The following MALRD1 variants were observed in gnomAD, a reference collection of about 807,000 sequenced individuals.
MALRD1 encodes the protein MAM and LDL-receptor class A domain-containing protein 1.
In MALRD1, 247 loss-of-function variants were observed where a neutral mutation model predicts 242.1. The ratio of observed to expected loss-of-function variants is 1.02; its 90% CI spans 0.92 to 1.13. MALRD1 has a LOEUF of 1.13. Ranked by LOEUF, MALRD1 falls within the 50% of genes most tolerant of loss-of-function variation. The pLI is 0.00. For missense variants in MALRD1, 2,989 were observed against 2,533.1 expected (o/e 1.18, Z -3.86); for synonymous variants, 995 against 866.6 (o/e 1.15, Z -2.60).
intron 32 of MALRD1, among the ~76,000 whole-genome samples, chr10:19,533,461 T>G (rs367869764): frequency 1.3e-5 from 2 of 152,150 alleles, no homozygotes; most frequent in South Asian, 4.1e-4. Flanking sequence ...TAGATCATTC[T>G]TGTGTTGCTG....
chr10:19,591,455 G>T (rs932992218), intron 33 of MALRD1, among the ~76,000 whole-genome samples: 5 of 151,082 alleles, frequency 3.3e-5, no homozygotes, highest in Non-Finnish European at 7.4e-5. Flanking sequence ...TCTTAACGGT[G>T]GCCACACTTA....
chr10:19,261,262 C>T (rs1275081702), intron 19 of MALRD1, among the ~76,000 whole-genome samples: 3 of 151,798 alleles, frequency 2.0e-5, no homozygotes, highest in African/African-American at 4.8e-5. Flanking sequence ...TTTTCTGTTT[C>T]GAGTTTTGGA....
At position 19,389,721 on chromosome 10, in the gene MALRD1, C is replaced by G. The variant is rs1846256498; in HGVS notation, c.4845+112C>G. On this transcript the variant is annotated intron_variant, in intron 28 of 39. Coordinates refer to ENST00000454679, the MANE Select transcript of MALRD1 (RefSeq NM_001142308.3). ...GTGGTGCAGTCATGGCTTACTGCAG[C>G]CTCCAACTCCTGGACTCAAGCGATC... The G allele has an allele frequency of 4.3e-6, 5 of 1,157,748 alleles. No homozygotes were observed. In the East Asian group the frequency reaches 1.0e-4, roughly 24 times the overall value. The allele number at this position is 1,157,748 out of a possible 1,614,324, so 71.7% of individuals were successfully genotyped here.
intron 36 of MALRD1, among the ~76,000 whole-genome samples, chr10:19,680,203 C>T (rs576967033): frequency 6.6e-6 from 1 of 152,266 alleles, no homozygotes; most frequent in African/African-American, 2.4e-5. Flanking sequence ...TGTTTATTTT[C>T]TGTCTCAATG....
intron 31 of MALRD1, among the ~76,000 whole-genome samples, chr10:19,516,856 A>C (rs1193014987): frequency 6.6e-6 from 1 of 152,110 alleles, no homozygotes; most frequent in East Asian, 1.9e-4. Flanking sequence ...GAGGTCCTAC[A>C]GAAGACAGTG....
At chr10:19,719,244 A>ATATC (rs1278887724) in intron 38 of MALRD1, among the ~76,000 whole-genome samples, 1 of 96,936 alleles carries the variant, frequency 1.0e-5, no homozygotes, top group South Asian at 3.3e-4. Flanking sequence ...ATATATATAT[A>ATATC]TATATATATA....
chr10:19,720,398 A>G (rs1439410197), intron 38 of MALRD1, among the ~76,000 whole-genome samples: 6 of 152,218 alleles, frequency 3.9e-5, no homozygotes, highest in Non-Finnish European at 8.8e-5. Context: ...GTTACATTAG[A>G]TTACAGTAAC....
At chr10:19,150,630 T>C (rs1267672548) in intron 11 of MALRD1, among the ~76,000 whole-genome samples, 1 of 152,218 alleles carries the variant, frequency 6.6e-6, no homozygotes, top group East Asian at 1.9e-4. Context: ...ACTCATTTGT[T>C]TCCCCTCTCT....
intron 26 of MALRD1, among the ~76,000 whole-genome samples, chr10:19,356,995 G>C (rs1463049916): frequency 6.6e-6 from 1 of 151,884 alleles, no homozygotes; most frequent in Non-Finnish European, 1.5e-5. Context: ...TGTAATTCCA[G>C]CTACCTGGGA....
At chr10:19,255,278 G>T (rs979661844) in intron 18 of MALRD1, among the ~76,000 whole-genome samples, 1 of 151,884 alleles carries the variant, frequency 6.6e-6, no homozygotes, top group African/African-American at 2.4e-5. Context: ...AGTAAAATTC[G>T]ACTTCCCTAA....
chr10:19,590,747 A>G (rs187005402), intron 33 of MALRD1, among the ~76,000 whole-genome samples: 44 of 152,124 alleles, frequency 2.9e-4, no homozygotes, highest in Middle Eastern at 3.4e-3. Flanking sequence ...TTTATATTCT[A>G]CAGCAGTTTT....
chr10:19,056,050 ATG>A (rs796170750), intron 1 of MALRD1, among the ~76,000 whole-genome samples: 32 of 152,012 alleles, frequency 2.1e-4, no homozygotes, highest in African/African-American at 7.2e-4. Flanking sequence ...CTGTTGGTGT[ATG>A]TGTCTGTTTT....
chr10:19,105,428 A>C (rs1176455620), intron 5 of MALRD1, among the ~76,000 whole-genome samples: 1 of 152,016 alleles, frequency 6.6e-6, no homozygotes, highest in Non-Finnish European at 1.5e-5. Context: ...ATGGACACTT[A>C]GGTTGATTTC....
intron 31 of MALRD1, among the ~76,000 whole-genome samples, chr10:19,512,403 C>T (rs945531940): frequency 1.3e-5 from 2 of 152,326 alleles, no homozygotes; most frequent in East Asian, 3.9e-4. Flanking sequence ...AGCAGTAATA[C>T]ATTTGCCCAA....
At chr10:19,230,922 T>C (rs950548782) in intron 18 of MALRD1, among the ~76,000 whole-genome samples, 1 of 152,226 alleles carries the variant, frequency 6.6e-6, no homozygotes, top group Non-Finnish European at 1.5e-5. Flanking sequence ...TTTGATTAAC[T>C]GGCCATGAAA....
At chr10:19,687,908 TTAATGTTATGTTATGTTATGTTATG>T (rs1193703900) in intron 36 of MALRD1, among the ~76,000 whole-genome samples, 3 of 145,654 alleles carry the variant, frequency 2.1e-5, no homozygotes, top group African/African-American at 7.6e-5. Flanking sequence ...ATTTATTTTT[TTAATGTTATGTTATGTTATGTTATG>T]TTATGTTATG....
intron 1 of MALRD1, among the ~76,000 whole-genome samples, chr10:19,049,866 G>A (rs561978485): frequency 6.6e-6 from 1 of 152,246 alleles, no homozygotes; most frequent in East Asian, 1.9e-4. Flanking sequence ...TGACATGTAC[G>A]TTCCTGTCAT....
chr10:19,624,212 C>T (rs146441666), intron 36 of MALRD1, among the ~76,000 whole-genome samples: 310 of 152,214 alleles, frequency 2.0e-3, no homozygotes, highest in African/African-American at 6.8e-3. Flanking sequence ...GTCCATAAGG[C>T]TACTCACTCT....
intron 29 of MALRD1, among the ~76,000 whole-genome samples, chr10:19,478,657 C>T (rs1836851185): frequency 1.3e-5 from 2 of 152,130 alleles, no homozygotes; most frequent in African/African-American, 4.8e-5. Flanking sequence ...TATTTCAATA[C>T]TCCTTATTGC....
Sources: gnomAD v4.1 joint callset for allele counts (sites outside exome capture counted in the v4.1 genomes callset) on GRCh38, gnomAD v4.1.1 for gene constraint, MANE v1.5 for transcripts, NCBI Gene and HGNC (gene_info 2026-07-23, HGNC 2026-07-21) for gene names.